The following CHSY3 variants were observed in gnomAD, a reference collection of about 807,000 sequenced individuals.
The protein encoded by CHSY3 is N-acetylgalactosaminyl-proteoglycan 3-beta-glucuronosyltransferase 3.
Under a neutral mutation model 67.2 loss-of-function variants are expected in CHSY3, and 35 were observed. The observed-to-expected ratio is 0.52, with a 90% CI of 0.40 to 0.69. The LOEUF (loss-of-function observed/expected upper bound fraction) is 0.69. Among genes scored for constraint, CHSY3 ranks in the 30% least tolerant of loss-of-function variants. The probability of loss-of-function intolerance (pLI) is 0.00; values close to 1 mark genes in which losing one functional copy is unlikely to be tolerated. For synonymous variants in CHSY3, 474 were observed against 434.7 expected, an observed-to-expected ratio of 1.09 and a Z score of -1.12; for missense variants, 1,069 against 1,138.5, an observed-to-expected ratio of 0.94 and a Z score of 0.88.
At chr5:130,037,811 G>A (rs904931042) in intron 2 of CHSY3, among the ~76,000 whole-genome samples, 5 of 152,174 alleles carry the variant, frequency 3.3e-5, no homozygotes, top group African/African-American at 1.2e-4. Context: ...GTGTAGTTAG[G>A]TTGTTCAAAT....
intron 2 of CHSY3, among the ~76,000 whole-genome samples, chr5:129,995,491 A>C (rs1763508000): frequency 1.3e-5 from 2 of 150,718 alleles, no homozygotes. Context: ...CCATCTGTGT[A>C]CTTTTTTTTT....
At chr5:130,074,219 C>T (rs1474296269) in intron 2 of CHSY3, among the ~76,000 whole-genome samples, 8 of 151,930 alleles carry the variant, frequency 5.3e-5, no homozygotes, top group African/African-American at 7.2e-5. Context: ...TACAGTTGCA[C>T]GCCATGACGC....
At chr5:129,911,299 A>G (rs1478636794) in intron 2 of CHSY3, among the ~76,000 whole-genome samples, 2 of 152,180 alleles carry the variant, frequency 1.3e-5, no homozygotes, top group Admixed American at 1.3e-4. Flanking sequence ...TATTAAAAAT[A>G]TGTTGTAAAA....
chr5:130,181,395 C>T (rs980339198), intron 2 of CHSY3, among the ~76,000 whole-genome samples: 2 of 151,988 alleles, frequency 1.3e-5, no homozygotes, highest in Non-Finnish European at 2.9e-5. Flanking sequence ...TAATTTTATT[C>T]TCATCATTCT....
At chr5:130,116,477 T>C (rs938276361) in intron 2 of CHSY3, among the ~76,000 whole-genome samples, 2 of 152,230 alleles carry the variant, frequency 1.3e-5, no homozygotes, top group Non-Finnish European at 2.9e-5. Flanking sequence ...ATTAGAAAGA[T>C]TTGTGGGCAG....
chr5:129,999,582 C>T (rs555160479), intron 2 of CHSY3, among the ~76,000 whole-genome samples: 4 of 152,176 alleles, frequency 2.6e-5, no homozygotes, highest in South Asian at 4.1e-4. Flanking sequence ...TCCAAGTTTC[C>T]GCATTATCAG....
At chr5:130,017,517 A>G (rs1764249885) in intron 2 of CHSY3, among the ~76,000 whole-genome samples, 1 of 152,146 alleles carries the variant, frequency 6.6e-6, no homozygotes, top group Non-Finnish European at 1.5e-5. Context: ...GTGAAAGGTA[A>G]TGAAAGAGAA....
intron 2 of CHSY3, among the ~76,000 whole-genome samples, chr5:130,005,052 T>A (rs1291542059): frequency 6.6e-6 from 1 of 152,180 alleles, no homozygotes; most frequent in African/African-American, 2.4e-5. Flanking sequence ...AAACTCAATA[T>A]ATTAAAGTTT....
chr5:130,148,713 T>C (rs1580781864), intron 2 of CHSY3, among the ~76,000 whole-genome samples: 2 of 152,238 alleles, frequency 1.3e-5, no homozygotes, highest in Non-Finnish European at 2.9e-5. Flanking sequence ...AAAGTGGCTG[T>C]TCATGTTCTT....
At chr5:130,126,403 A>T (rs539588092) in intron 2 of CHSY3, among the ~76,000 whole-genome samples, 3 of 152,138 alleles carry the variant, frequency 2.0e-5, no homozygotes, top group Non-Finnish European at 4.4e-5. Flanking sequence ...CAGTTAACCA[A>T]CTCTGAATAA....
At chr5:129,913,791 A>G (rs760164000) in intron 2 of CHSY3, among the ~76,000 whole-genome samples, 50 of 152,176 alleles carry the variant, frequency 3.3e-4, no homozygotes, top group Non-Finnish European at 6.5e-4. Flanking sequence ...GTTGGTAAAA[A>G]TATTTATCTG....
At chr5:130,136,333 G>T (rs1288606416) in intron 2 of CHSY3, among the ~76,000 whole-genome samples, 1 of 152,144 alleles carries the variant, frequency 6.6e-6, no homozygotes, top group Admixed American at 6.6e-5. Context: ...TAAGTAGTTT[G>T]GTAAAACTGG....
At chr5:130,149,745 G>C (rs557687777) in intron 2 of CHSY3, among the ~76,000 whole-genome samples, 3 of 152,102 alleles carry the variant, frequency 2.0e-5, no homozygotes, top group Non-Finnish European at 4.4e-5. Flanking sequence ...GTATAACAAG[G>C]GTCAGCTACC....
Position 130,143,734 on chromosome 5 carries a change from G to GTGTGTA in CHSY3, c.1087-40494_1087-40493insGTGTAT, listed in dbSNP as rs1223966105. Among the ~76,000 whole-genome samples, 19 of 94,662 alleles carry GTGTGTA rather than the reference G, an allele frequency of 2.0e-4. 1 individual carries two copies. The highest frequency in any genetic ancestry group is 7.9e-4 in the African/African-American group (18 of 22,772). 62.1% of individuals were successfully genotyped at this position (94,662 alleles called of 152,430 possible). ...TATATATATATATGTGTGTGTGTGTGTATATATATATATATATATATATGT... is the reference window on the plus strand; with the variant it reads ...TATATATATATATGTGTGTGTGTGTGTGTGTATATATATATATATATATATATATGT... On this transcript the variant is annotated intron_variant, in intron 2 of 2. Transcript: ENST00000305031.
chr5:130,151,324 T>C (rs1002176730), intron 2 of CHSY3, among the ~76,000 whole-genome samples: 2 of 152,168 alleles, frequency 1.3e-5, no homozygotes, highest in Non-Finnish European at 2.9e-5. Context: ...GGTGAGCAAA[T>C]TGGGGCATGC....
At chr5:129,926,030 G>C (rs1343611435) in intron 2 of CHSY3, among the ~76,000 whole-genome samples, 2 of 151,996 alleles carry the variant, frequency 1.3e-5, no homozygotes, top group Non-Finnish European at 2.9e-5. Flanking sequence ...TAAATCTCCA[G>C]TTGTAAATTT....
At chr5:130,149,344 T>C (rs1769165583) in intron 2 of CHSY3, among the ~76,000 whole-genome samples, 1 of 152,200 alleles carries the variant, frequency 6.6e-6, no homozygotes, top group African/African-American at 2.4e-5. Context: ...ATAGTACCAG[T>C]ATCTGCTTCT....
At chr5:130,114,636 A>G (rs1000417296) in intron 2 of CHSY3, 2 of 152,206 alleles carry the variant, frequency 1.3e-5, no homozygotes, top group African/African-American at 4.8e-5. Flanking sequence ...TGGAACTCTG[A>G]AAAATCGGTA....
intron 2 of CHSY3, among the ~76,000 whole-genome samples, chr5:129,958,939 A>G (rs568636145): frequency 1.3e-5 from 2 of 152,252 alleles, no homozygotes; most frequent in Admixed American, 6.6e-5. Context: ...AGAATAAAAT[A>G]TAGGACTCAG....
Sources: allele counts gnomAD v4.1 joint callset (sites outside exome capture counted in the v4.1 genomes callset), GRCh38; gene constraint gnomAD v4.1.1; transcripts MANE v1.5; gene names NCBI Gene and HGNC (gene_info 2026-07-23, HGNC 2026-07-21).